AFF4: variants seen among roughly 807,000 people sequenced by gnomAD.
AFF4 encodes the protein AF4/FMR2 family member 4.
In AFF4, 13 loss-of-function variants were observed where a neutral mutation model predicts 124.8. That is an observed-to-expected ratio of 0.10 (90% CI 0.07 to 0.17). The LOEUF is 0.17. Among genes scored for constraint, AFF4 ranks in the 10% least tolerant of loss-of-function variants. The pLI is 1.00. For missense variants in AFF4, 1,092 were observed against 1,403.8 expected (o/e 0.78, Z 3.55); for synonymous variants, 477 against 496.1 (o/e 0.96, Z 0.51).
chr5:132,899,689 G>A, intron 7 of AFF4, 48 bp from the exon 8 acceptor site: 1 of 1,484,272 alleles, frequency 6.7e-7, no homozygotes, highest in South Asian at 1.2e-5. Flanking sequence ...AGTTTACATG[G>A]TATGCCAGAG....
intron 11 of AFF4, among the ~76,000 whole-genome samples, chr5:132,895,953 G>C (rs1007843795): frequency 2.6e-5 from 4 of 152,184 alleles, no homozygotes; most frequent in Non-Finnish European, 4.4e-5. Context: ...AGAAGAGAAT[G>C]GTAGGGATTA....
At chr5:132,903,570 C>T (rs1407322061) in intron 6 of AFF4, among the ~76,000 whole-genome samples, 1 of 152,160 alleles carries the variant, frequency 6.6e-6, no homozygotes, top group African/African-American at 2.4e-5. Flanking sequence ...GACCATAAGA[C>T]TATCTTCCCT....
chr5:132,889,283 C>T (rs1281265260), intron 13 of AFF4, 110 bp from the exon 14 acceptor site: 6 of 670,804 alleles, frequency 8.9e-6, no homozygotes, highest in Admixed American at 2.9e-5. Context: ...CATTGCCTTT[C>T]ATAATGAATT....
chr5:132,913,174 A>G (rs2150083652), intron 5 of AFF4, among the ~76,000 whole-genome samples: 1 of 152,324 alleles, frequency 6.6e-6, no homozygotes, highest in Non-Finnish European at 1.5e-5. Flanking sequence ...TTTACAGCAA[A>G]GAATATTATA....
chr5:132,884,846 T>C (rs1200772836), intron 19 of AFF4, among the ~76,000 whole-genome samples: 4 of 152,196 alleles, frequency 2.6e-5, no homozygotes, highest in Non-Finnish European at 5.9e-5. Context: ...TAGTAAAAAC[T>C]CAGATTTCTT....
In AFF4 at chr5:132,934,954, A is replaced by T. The variant is rs777444736; in HGVS notation, c.124-13T>A. The T allele has an allele frequency of 3.4e-6, 5 of 1,480,818 alleles. No homozygotes were observed. The highest frequency in any genetic ancestry group is 4.5e-6 in the Non-Finnish European group (5 of 1,106,936). The allele number at this position is 1,480,818 out of a possible 1,614,324, so 91.7% of individuals were successfully genotyped here. ...CTTCTTTGCTAGTCTACAAAAAAAT[A>T]AAATAAAATAAAATTATAAAATGAG... On this transcript the variant is annotated splice_polypyrimidine_tract_variant and intron_variant, in intron 2 of 20. Coordinates refer to ENST00000265343, the MANE Select transcript of AFF4 (RefSeq NM_014423.4).
chr5:132,948,275 T>G (rs923901597), intron 1 of AFF4, among the ~76,000 whole-genome samples: 26 of 152,116 alleles, frequency 1.7e-4, no homozygotes, highest in Non-Finnish European at 3.8e-4. Context: ...GGTCTCGATC[T>G]CCTGACCTCA....
chr5:132,880,364 C>G lies in AFF4; in HGVS notation c.*695G>C. On this transcript the variant is annotated 3_prime_UTR_variant, in exon 21 of 21. Transcript: ENST00000265343. ...TGCTGTAGTGTTATTAACACACATT[C>G]ACAGTTTTTGAAATAATGCATACCA... 1 of 398,704 alleles carries G rather than the reference C, an allele frequency of 2.5e-6. No individual in the cohort carries two copies. Among genetic ancestry groups the G allele is most frequent in the Non-Finnish European group, 4.4e-6 (1 of 225,928 alleles). The allele number at this position is 398,704 out of a possible 1,614,324, so 24.7% of individuals were successfully genotyped here.
chr5:132,907,798 C>A (rs983778956), intron 5 of AFF4, among the ~76,000 whole-genome samples: 8 of 151,952 alleles, frequency 5.3e-5, no homozygotes, highest in African/African-American at 1.7e-4. Flanking sequence ...AAGGGAAGAG[C>A]ATGGCTTGTA....
At chr5:132,906,607 A>C (rs1025419772) in intron 5 of AFF4, among the ~76,000 whole-genome samples, 6 of 152,228 alleles carry the variant, frequency 3.9e-5, no homozygotes, top group Non-Finnish European at 8.8e-5. Flanking sequence ...AAGGCTAGGA[A>C]GGTAGAGGGA....
chr5:132,882,888 C>G (rs1249708973), intron 20 of AFF4, among the ~76,000 whole-genome samples: 2 of 151,720 alleles, frequency 1.3e-5, no homozygotes, highest in Non-Finnish European at 2.9e-5. Flanking sequence ...TATTCATTCC[C>G]TAGTCTCCTT....
intron 11 of AFF4, 84 bp downstream of exon 11, chr5:132,896,239 C>T (rs146880530): frequency 6.8e-7 from 1 of 1,476,704 alleles, no homozygotes; most frequent in African/African-American, 1.4e-5. Context: ...TATGACCCAC[C>T]TTGTTACTTT....
chr5:132,930,933 T>TAAAAA (rs775336427), intron 4 of AFF4, among the ~76,000 whole-genome samples: 3 of 78,560 alleles, frequency 3.8e-5, no homozygotes, highest in Admixed American at 1.6e-4. Context: ...CTATCTCTAC[T>TAAAAA]AAAAAAAAAA....
At chr5:132,950,484 TAAATAAAC>T (rs1761816727) in intron 1 of AFF4, among the ~76,000 whole-genome samples, 2 of 142,478 alleles carry the variant, frequency 1.4e-5, no homozygotes, top group African/African-American at 5.0e-5. Context: ...AATAAATAAA[TAAATAAAC>T]AAGCAAGCAA....
At chr5:132,909,910 A>G (rs1272854640) in intron 5 of AFF4, among the ~76,000 whole-genome samples, 9 of 152,246 alleles carry the variant, frequency 5.9e-5, no homozygotes, top group African/African-American at 1.2e-4. Flanking sequence ...GGAGGAGAAG[A>G]TAAGATTTGT....
intron 5 of AFF4, among the ~76,000 whole-genome samples, chr5:132,919,443 T>C (rs907786046): frequency 2.0e-5 from 3 of 152,242 alleles, no homozygotes; most frequent in Non-Finnish European, 2.9e-5. Context: ...ATAAAGATGC[T>C]AATTGGATAT....
chr5:132,890,526 C>T (rs1466801702), intron 13 of AFF4, among the ~76,000 whole-genome samples: 2 of 152,170 alleles, frequency 1.3e-5, no homozygotes, highest in African/African-American at 4.8e-5. Flanking sequence ...TATTTAAACA[C>T]AGTTTTCTTA....
chr5:132,908,545 T>A (rs1477021612), intron 5 of AFF4, among the ~76,000 whole-genome samples: 1 of 151,882 alleles, frequency 6.6e-6, no homozygotes, highest in East Asian at 1.9e-4. Flanking sequence ...ATTAGAAGGA[T>A]GCATTTTATT....
chr5:132,878,873 G>GAC lies in AFF4; in HGVS notation c.*2185_*2186insGT, dbSNP rs1461808437. On this transcript the variant is annotated 3_prime_UTR_variant, in exon 21 of 21. Coordinates refer to ENST00000265343, the MANE Select transcript of AFF4 (RefSeq NM_014423.4). ...AGGTATCCCACTGGCTGTTGTTGCT[G>GAC]AAAGTCTGAAAGCCCAGAGGATACT... 1 of 223,070 alleles carries GAC rather than the reference G, an allele frequency of 4.5e-6. No homozygotes were observed. The highest frequency in any genetic ancestry group is 8.9e-6 in the Non-Finnish European group (1 of 111,840). The allele number at this position is 223,070 out of a possible 1,614,324, so 13.8% of individuals were successfully genotyped here.
Sources: gnomAD v4.1 joint callset for allele counts (sites outside exome capture counted in the v4.1 genomes callset) on GRCh38, gnomAD v4.1.1 for gene constraint, MANE v1.5 for transcripts, NCBI Gene and HGNC (gene_info 2026-07-23, HGNC 2026-07-21) for gene names.